The following DSCAM variants were observed in gnomAD, a reference collection of about 807,000 sequenced individuals.
DSCAM encodes cell adhesion molecule DSCAM.
In DSCAM, 47 loss-of-function variants were observed where a neutral mutation model predicts 217.7. The ratio of observed to expected loss-of-function variants is 0.22; its 90% confidence interval spans 0.17 to 0.28. The LOEUF is 0.28. Ranked by LOEUF, DSCAM falls within the 10% of genes least tolerant of loss-of-function variation. The pLI is 1.00. For missense variants in DSCAM, 2,080 were observed against 2,618.3 expected (o/e 0.79, Z 4.49); for synonymous variants, 1,056 against 1,015.3 (o/e 1.04, Z -0.76).
chr21:40,319,079 G>A (rs999944265), intron 8 of DSCAM, among the ~76,000 whole-genome samples: 5 of 152,134 alleles, frequency 3.3e-5, no homozygotes, highest in Admixed American at 1.3e-4. Context: ...TTTAAAAAAT[G>A]TTTCAAGTAT....
intron 32 of DSCAM, among the ~76,000 whole-genome samples, chr21:40,019,227 CAT>C (rs1198099682): frequency 1.3e-5 from 2 of 152,230 alleles, no homozygotes; most frequent in African/African-American, 4.8e-5. Flanking sequence ...GAAAGAGACA[CAT>C]GATGTGTGAG....
chr21:40,309,751 T>C (rs2074117654), intron 9 of DSCAM, among the ~76,000 whole-genome samples: 1 of 152,216 alleles, frequency 6.6e-6, no homozygotes, highest in East Asian at 1.9e-4. Context: ...CCAAAATAGA[T>C]TGTGAATTCC....
intron 1 of DSCAM, among the ~76,000 whole-genome samples, chr21:40,754,804 C>T (rs1355870229): frequency 2.6e-5 from 4 of 152,198 alleles, no homozygotes; most frequent in Non-Finnish European, 5.9e-5. Context: ...CTCCTTCACA[C>T]ACGGAGTTGA....
At chr21:40,064,111 AC>A (rs1182423580) in intron 27 of DSCAM, among the ~76,000 whole-genome samples, 1 of 104,030 alleles carries the variant, frequency 9.6e-6, no homozygotes, top group Non-Finnish European at 2.0e-5. Context: ...TTTAACACTT[AC>A]AAAGTATATA....
chr21:40,276,972 T>TA lies in DSCAM; in HGVS notation c.2183-703dup, dbSNP rs111711519. Among the ~76,000 whole-genome samples the TA allele has an allele frequency of 1.8e-3, 261 of 144,032 alleles. 1 individual carries two copies. Among genetic ancestry groups the TA allele is most frequent in the South Asian group, 6.6e-3 (30 of 4,516 alleles). The allele number at this position is 144,032 out of a possible 152,430, so 94.5% of individuals were successfully genotyped here. A position where few individuals can be genotyped will look rare whatever the true frequency, so the allele number is the denominator to read the frequency against. Reference sequence around the variant, plus strand: ...TATGAAGGATTTATATACAACTGGGTAAAAAAAAAAAGGATTTTAGAAATA... The same window carrying TA: ...TATGAAGGATTTATATACAACTGGGTAAAAAAAAAAAAGGATTTTAGAAATA... On this transcript the variant is annotated intron_variant, in intron 10 of 32. Transcript: ENST00000400454.
intron 1 of DSCAM, among the ~76,000 whole-genome samples, chr21:40,842,787 C>G (rs146215022): frequency 1.3e-5 from 2 of 152,144 alleles, no homozygotes; most frequent in Non-Finnish European, 2.9e-5. Context: ...TTCTGCCCCC[C>G]GTGACTCACT....
Position 40,042,489 on chromosome 21 carries a change from G to C in DSCAM, c.5568C>G (p.Asp1856Glu), listed in dbSNP as rs779675403. ...QLTAGTNEYT[D>E]SLTSSTPSES... ...CGGAAGGGGTGCTGGAGGTCAGACT[G>C]TCCGTGTACTCATTTGTCCCTGCCG... Residue 1856 changes from aspartate (D) to glutamate (E), a missense_variant, in exon 32 of 33, where the codon GAC (aspartate) becomes GAG (glutamate). Transcript: ENST00000400454. 6 of 1,614,202 alleles carry C rather than the reference G, an allele frequency of 3.7e-6. No homozygotes were observed. In the African/African-American group the frequency reaches 8.0e-5, roughly 22 times the overall value.
At chr21:40,118,674 C>T (rs990148698) in intron 20 of DSCAM, among the ~76,000 whole-genome samples, 1 of 152,190 alleles carries the variant, frequency 6.6e-6, no homozygotes, top group Non-Finnish European at 1.5e-5. Flanking sequence ...TCATATTACC[C>T]TTTCCTGCCT....
chr21:40,806,004 G>A (rs1038634776), intron 1 of DSCAM, among the ~76,000 whole-genome samples: 10 of 152,086 alleles, frequency 6.6e-5, no homozygotes, highest in African/African-American at 2.4e-4. Context: ...CACCGCACCT[G>A]GCCTAAACAC....
rs1022954009 is a variant in DSCAM at position 40,124,339 on chromosome 21, C to A, written c.3563-11G>T. ...CGGGAGGACCTGGAACTGGAAGAGC[C>A]GTGTGTTTAGTCACAAGGTGGGGCC... On this transcript the variant is annotated splice_polypyrimidine_tract_variant and intron_variant, in intron 19 of 32. Transcript: ENST00000400454. 1 of 1,613,330 alleles carries A rather than the reference C, an allele frequency of 6.2e-7. No homozygotes were observed. Among genetic ancestry groups the A allele is most frequent in the South Asian group, 1.1e-5 (1 of 91,038 alleles).
chr21:40,217,620 T>C (rs116979427), intron 11 of DSCAM, among the ~76,000 whole-genome samples: 5,883 of 152,218 alleles, frequency 0.039, 181 homozygotes, highest in South Asian at 0.092. Flanking sequence ...CTTCCACCAA[T>C]AGTGTATAAG....
At chr21:40,281,623 G>C (rs1489323262) in intron 10 of DSCAM, among the ~76,000 whole-genome samples, 1 of 152,094 alleles carries the variant, frequency 6.6e-6, no homozygotes, top group Non-Finnish European at 1.5e-5. Context: ...GCTAGCTGAG[G>C]GTTAATTTTT....
chr21:40,398,989 G>A (rs2075208165), intron 3 of DSCAM, among the ~76,000 whole-genome samples: 1 of 152,188 alleles, frequency 6.6e-6, no homozygotes, highest in South Asian at 2.1e-4. Context: ...TTGGGGTCCA[G>A]ACCAGGTGCA....
rs1381644190 is a variant in DSCAM, at chr21:40,306,078, G to A, written c.2062+6003C>T. 7.2e-5 allele frequency among the ~76,000 whole-genome samples: 11 copies of A among 151,978 alleles called. No homozygotes were observed. In the East Asian group the frequency reaches 1.9e-3, roughly 27 times the overall value. On this transcript the variant is annotated intron_variant, in intron 9 of 32. Coordinates refer to ENST00000400454, the MANE Select transcript of DSCAM (RefSeq NM_001389.5). The stretch of plus-strand genomic sequence containing the variant: ...ATTGATTCTTCCTACCCATGAGCAT[G>A]GAATGTTCTTCCATTTGTTTGTATC...
intron 3 of DSCAM, among the ~76,000 whole-genome samples, chr21:40,480,461 T>G (rs1378261470): frequency 1.3e-5 from 2 of 152,244 alleles, no homozygotes; most frequent in African/African-American, 4.8e-5. Context: ...CATTAAGTTC[T>G]ATGCATAACA....
intron 3 of DSCAM, among the ~76,000 whole-genome samples, chr21:40,466,978 GTTGA>G (rs1455988031): frequency 6.6e-6 from 1 of 152,026 alleles, no homozygotes; most frequent in Non-Finnish European, 1.5e-5. Context: ...TTGTTCATCT[GTTGA>G]TTATTTTTAA....
At chr21:40,350,586 G>T (rs2074618714) in intron 5 of DSCAM, among the ~76,000 whole-genome samples, 1 of 152,156 alleles carries the variant, frequency 6.6e-6, no homozygotes, top group African/African-American at 2.4e-5. Flanking sequence ...ATAAATGGCT[G>T]TAATAACCAA....
At chr21:40,513,540 G>A (rs1442800943) in intron 3 of DSCAM, among the ~76,000 whole-genome samples, 2 of 152,108 alleles carry the variant, frequency 1.3e-5, no homozygotes, top group Non-Finnish European at 2.9e-5. Flanking sequence ...GAGCAGGTGG[G>A]TCACCCAACC....
chr21:40,268,556 A>T (rs1200209423), intron 11 of DSCAM, among the ~76,000 whole-genome samples: 2 of 151,350 alleles, frequency 1.3e-5, no homozygotes, highest in African/African-American at 4.9e-5. Flanking sequence ...AAAAAATAAT[A>T]ACATTTTAGT....
Sources: gnomAD v4.1 joint callset for allele counts (sites outside exome capture counted in the v4.1 genomes callset) on GRCh38, gnomAD v4.1.1 for gene constraint, MANE v1.5 for transcripts, NCBI Gene and HGNC (gene_info 2026-07-23, HGNC 2026-07-21) for gene names.